The following CSMD1 variants were observed in gnomAD, a reference collection of about 807,000 sequenced individuals.
CSMD1 encodes the protein CUB and sushi domain-containing protein 1.
CSMD1 carries 213 observed loss-of-function variants against 417.5 expected under a neutral mutation model. The observed-to-expected ratio is 0.51, with a 90% confidence interval of 0.46 to 0.57. The LOEUF is 0.57. Ranked by LOEUF, CSMD1 falls within the 20% of genes least tolerant of loss-of-function variation. CSMD1 has a pLI of 0.00. For missense variants in CSMD1, 6,923 were observed against 4,529.7 expected, an observed-to-expected ratio of 1.53 and a Z score of -15.17; for synonymous variants, 2,862 against 1,736.8, an observed-to-expected ratio of 1.65 and a Z score of -16.11.
intron 2 of CSMD1, among the ~76,000 whole-genome samples, chr8:4,595,791 T>G (rs181010647): frequency 5.3e-5 from 8 of 152,306 alleles, no homozygotes; most frequent in Non-Finnish European, 8.8e-5. Flanking sequence ...TCACAGAACA[T>G]TTCAGCACCT....
chr8:3,603,254 C>T (rs2117090909), intron 8 of CSMD1, among the ~76,000 whole-genome samples: 1 of 152,272 alleles, frequency 6.6e-6, no homozygotes, highest in Non-Finnish European at 1.5e-5. Context: ...TTCCTAGTAA[C>T]CATGAATCCT....
intron 1 of CSMD1, among the ~76,000 whole-genome samples, chr8:4,737,259 C>G (rs1810302895): frequency 6.6e-6 from 1 of 152,088 alleles, no homozygotes; most frequent in African/African-American, 2.4e-5. Context: ...AGTGCACGTT[C>G]TCACTTATAA....
intron 7 of CSMD1, among the ~76,000 whole-genome samples, chr8:3,689,594 T>C (rs991243007): frequency 1.3e-5 from 2 of 152,222 alleles, no homozygotes; most frequent in Non-Finnish European, 2.9e-5. Context: ...CAGTTCACTC[T>C]TAGTCCACTG....
chr8:4,783,148 T>C (rs992812229), intron 1 of CSMD1, among the ~76,000 whole-genome samples: 1 of 152,220 alleles, frequency 6.6e-6, no homozygotes, highest in Non-Finnish European at 1.5e-5. Context: ...AGCAAATTCA[T>C]CTCTCCAACC....
At chr8:4,310,483 T>C (rs1443165588) in intron 3 of CSMD1, among the ~76,000 whole-genome samples, 1 of 151,698 alleles carries the variant, frequency 6.6e-6, no homozygotes, top group Admixed American at 6.6e-5. Context: ...TTTTATCTGC[T>C]GTTTATTAAT....
At position 4,874,388 on chromosome 8, in the gene CSMD1, A is replaced by ATTTTTTTTTTTTTTTTTTTTTTTT. The variant is rs3038302; in HGVS notation, c.85+119943_85+119944insAAAAAAAAAAAAAAAAAAAAAAAA. 2.2e-5 allele frequency among the ~76,000 whole-genome samples: 3 copies of ATTTTTTTTTTTTTTTTTTTTTTTT among 133,528 alleles called. 1 individual carries two copies. Among genetic ancestry groups the ATTTTTTTTTTTTTTTTTTTTTTTT allele is most frequent in the Admixed American group, 8.1e-5 (1 of 12,394 alleles). 87.6% of individuals were successfully genotyped at this position (133,528 alleles called of 152,430 possible). ...GGAGGAGATCTTTCAATCCGATTGT[A>ATTTTTTTTTTTTTTTTTTTTTTTT]TTTTTTTTTTTTTTTTTCTGAGACG... On this transcript the variant is annotated intron_variant, in intron 1 of 69. Transcript: ENST00000635120.
chr8:3,637,026 A>G (rs560050518), intron 7 of CSMD1, among the ~76,000 whole-genome samples: 32 of 152,264 alleles, frequency 2.1e-4, no homozygotes, highest in African/African-American at 7.0e-4. Context: ...CCACCATGGA[A>G]TAACGATGCA....
intron 23 of CSMD1, among the ~76,000 whole-genome samples, chr8:3,328,196 C>T (rs1164841392): frequency 6.6e-6 from 1 of 152,218 alleles, no homozygotes; most frequent in Admixed American, 6.5e-5. Context: ...TAAACCGATG[C>T]CTCCTTCTGT....
chr8:3,138,981 G>C (rs1818277073), intron 41 of CSMD1, among the ~76,000 whole-genome samples: 1 of 152,198 alleles, frequency 6.6e-6, no homozygotes, highest in African/African-American at 2.4e-5. Context: ...TAGGAGAAAG[G>C]TCTGAGAGCA....
chr8:3,465,674 G>C (rs1410143146), intron 12 of CSMD1, among the ~76,000 whole-genome samples: 2 of 152,196 alleles, frequency 1.3e-5, no homozygotes, highest in Non-Finnish European at 1.5e-5. Flanking sequence ...TTCTTGTCAA[G>C]GTTGGAGTAG....
At chr8:3,942,055 T>G (rs545531163) in intron 5 of CSMD1, among the ~76,000 whole-genome samples, 1 of 151,850 alleles carries the variant, frequency 6.6e-6, no homozygotes, top group Non-Finnish European at 1.5e-5. Flanking sequence ...CTATTGTGAA[T>G]TGGGCATGCA....
intron 3 of CSMD1, among the ~76,000 whole-genome samples, chr8:4,205,532 A>C (rs935425375): frequency 2.6e-5 from 4 of 152,208 alleles, no homozygotes; most frequent in African/African-American, 9.6e-5. Flanking sequence ...ATGGATGATG[A>C]AACTGACATT....
At chr8:4,888,002 C>A (rs574154185) in intron 1 of CSMD1, among the ~76,000 whole-genome samples, 1 of 151,964 alleles carries the variant, frequency 6.6e-6, no homozygotes, top group Non-Finnish European at 1.5e-5. Flanking sequence ...GGCTTACATG[C>A]CTCTCTCTCT....
intron 3 of CSMD1, among the ~76,000 whole-genome samples, chr8:4,283,219 T>C (rs1017995011): frequency 2.0e-5 from 3 of 152,194 alleles, no homozygotes; most frequent in African/African-American, 7.2e-5. Flanking sequence ...TTTTTCTAAA[T>C]TTAAAGTATC....
intron 3 of CSMD1, among the ~76,000 whole-genome samples, chr8:4,036,532 T>C (rs1351596094): frequency 1.3e-5 from 2 of 152,182 alleles, no homozygotes; most frequent in Non-Finnish European, 2.9e-5. Flanking sequence ...TACCATAAAA[T>C]TGAATATGAA....
intron 5 of CSMD1, among the ~76,000 whole-genome samples, chr8:3,892,099 T>A (rs1351875271): frequency 6.6e-6 from 1 of 151,970 alleles, no homozygotes; most frequent in Non-Finnish European, 1.5e-5. Flanking sequence ...AGTTTCCTAT[T>A]CAGGCAGGAC....
At chr8:3,069,166 T>A (rs141640465) in intron 49 of CSMD1, among the ~76,000 whole-genome samples, 2 of 152,088 alleles carry the variant, frequency 1.3e-5, no homozygotes, top group African/African-American at 4.8e-5. Flanking sequence ...CCGGGCGCAG[T>A]GACTCACACC....
chr8:4,101,681 A>G (rs892870170), intron 3 of CSMD1, among the ~76,000 whole-genome samples: 1 of 152,230 alleles, frequency 6.6e-6, no homozygotes, highest in African/African-American at 2.4e-5. Flanking sequence ...TATGAAAGTG[A>G]TGGTAACCAA....
chr8:3,265,863 G>A (rs1410816849), intron 26 of CSMD1, among the ~76,000 whole-genome samples: 1 of 151,990 alleles, frequency 6.6e-6, no homozygotes, highest in Non-Finnish European at 1.5e-5. Context: ...AGGTGGGGAA[G>A]AGAAAAGCGG....
Sources: allele counts gnomAD v4.1 joint callset (sites outside exome capture counted in the v4.1 genomes callset), GRCh38; gene constraint gnomAD v4.1.1; transcripts MANE v1.5; gene names NCBI Gene and HGNC (gene_info 2026-07-23, HGNC 2026-07-21).